Variants in CTNNA3 observed in about 807,000 individuals in gnomAD.
CTNNA3 encodes the protein catenin alpha 3.
In CTNNA3, 76 loss-of-function variants were observed where a neutral mutation model predicts 95.7. That is an observed-to-expected ratio of 0.79 (90% CI 0.66 to 0.96). The LOEUF (loss-of-function observed/expected upper bound fraction) is 0.96. Among genes scored for constraint, CTNNA3 ranks in the 40% least tolerant of loss-of-function variants. CTNNA3 has a pLI of 0.00. For synonymous variants in CTNNA3, 431 were observed against 374.4 expected (o/e 1.15, Z -1.74); for missense variants, 1,191 against 1,089.8 (o/e 1.09, Z -1.31).
At chr10:66,350,799 C>T (rs1470633672) in intron 12 of CTNNA3, among the ~76,000 whole-genome samples, 2 of 151,972 alleles carry the variant, frequency 1.3e-5, no homozygotes, top group Non-Finnish European at 2.9e-5. Context: ...GAATTTTACA[C>T]TATTTACACA....
chr10:66,254,980 ACTATTGCCCCCTT>A (rs2090705194), intron 13 of CTNNA3, among the ~76,000 whole-genome samples: 1 of 152,150 alleles, frequency 6.6e-6, no homozygotes, highest in Non-Finnish European at 1.5e-5. Context: ...AAGCAAATTT[ACTATTGCCCCCTT>A]CCAAGGGTGG....
At chr10:66,621,206 A>C (rs1310036318) in intron 10 of CTNNA3, among the ~76,000 whole-genome samples, 1 of 152,184 alleles carries the variant, frequency 6.6e-6, no homozygotes. Context: ...AAAATAAATC[A>C]AATCATTTGG....
chr10:66,457,638 G>C (rs2131839619), intron 11 of CTNNA3, among the ~76,000 whole-genome samples: 1 of 122,766 alleles, frequency 8.1e-6, no homozygotes, highest in East Asian at 2.4e-4. Flanking sequence ...CATTTGACTG[G>C]TTAAAAAAAA....
At chr10:66,089,210 T>C (rs2081115816) in intron 14 of CTNNA3, among the ~76,000 whole-genome samples, 1 of 151,884 alleles carries the variant, frequency 6.6e-6, no homozygotes, top group African/African-American at 2.4e-5. Context: ...TAGGGCCCTT[T>C]GTTGTTGTTG....
intron 5 of CTNNA3, among the ~76,000 whole-genome samples, chr10:67,297,750 C>T (rs192391649): frequency 6.6e-6 from 1 of 152,280 alleles, no homozygotes; most frequent in Admixed American, 6.5e-5. Context: ...TGCTCTTAGG[C>T]ACATCCTATT....
chr10:66,347,643 C>T (rs1012712294), intron 12 of CTNNA3, among the ~76,000 whole-genome samples: 1 of 151,450 alleles, frequency 6.6e-6, no homozygotes, highest in African/African-American at 2.4e-5. Flanking sequence ...AAGAATCTAC[C>T]AAATATCTAA....
rs1253329285 is a variant in CTNNA3 at position 67,106,253 on chromosome 10, G to A, written c.1047+74064C>T. 2.0e-5 allele frequency among the ~76,000 whole-genome samples: 3 copies of A among 152,194 alleles called. No homozygotes were observed. In the East Asian group the frequency reaches 5.8e-4, roughly 29 times the overall value. On this transcript the variant is annotated intron_variant, in intron 7 of 17. Transcript: ENST00000433211. ...TAATATAAAACTGAAATGTAGTTTG[G>A]GGCCACTTCTTTTTAACTTAATAAT...
At chr10:67,238,097 G>A (rs1250186839) in intron 5 of CTNNA3, among the ~76,000 whole-genome samples, 2 of 152,124 alleles carry the variant, frequency 1.3e-5, no homozygotes, top group Non-Finnish European at 2.9e-5. Flanking sequence ...ACAGAGAGAA[G>A]AATGTACTTG....
At chr10:67,607,685 G>A (rs1024663467) in intron 2 of CTNNA3, among the ~76,000 whole-genome samples, 24 of 152,224 alleles carry the variant, frequency 1.6e-4, no homozygotes, top group South Asian at 4.2e-4. Flanking sequence ...AGTGCTGTTG[G>A]TACACCTACA....
rs149732508 is a variant in CTNNA3, at chr10:67,281,135, G to GAA, written c.580-61267_580-61266dup. Reference sequence around the variant, plus strand: ...TTTAGGTCATGATCTTTACACTTTTGAAAAAAAAAATGAGAGGACAGTCAA... The same window carrying GAA: ...TTTAGGTCATGATCTTTACACTTTTGAAAAAAAAAAAATGAGAGGACAGTCAA... On this transcript the variant is annotated intron_variant, in intron 5 of 17. Coordinates refer to ENST00000433211, the MANE Select transcript of CTNNA3 (RefSeq NM_013266.4). Among the ~76,000 whole-genome samples the GAA allele has an allele frequency of 0.018, 2,647 of 143,382 alleles. 200 individuals are homozygous for GAA. In the East Asian group the frequency reaches 0.24, roughly 13 times the overall value. The allele number at this position is 143,382 out of a possible 152,430, so 94.1% of individuals were successfully genotyped here.
At chr10:66,059,855 T>C (rs2080159994) in intron 15 of CTNNA3, among the ~76,000 whole-genome samples, 1 of 152,132 alleles carries the variant, frequency 6.6e-6, no homozygotes, top group African/African-American at 2.4e-5. Context: ...CTTTGGCATA[T>C]CTTTGAATAA....
intron 13 of CTNNA3, among the ~76,000 whole-genome samples, chr10:66,140,148 T>C (rs542178264): frequency 1.1e-4 from 16 of 152,334 alleles, no homozygotes; most frequent in Non-Finnish European, 2.1e-4. Flanking sequence ...CCACATAACA[T>C]GAAGAGAGCT....
At chr10:66,948,343 G>A (rs2132709838) in intron 7 of CTNNA3, among the ~76,000 whole-genome samples, 1 of 152,258 alleles carries the variant, frequency 6.6e-6, no homozygotes, top group Admixed American at 6.5e-5. Context: ...TTTCCAACAA[G>A]CAAAATGGAC....
At chr10:67,179,641 C>T (rs1862415752) in intron 7 of CTNNA3, among the ~76,000 whole-genome samples, 1 of 152,048 alleles carries the variant, frequency 6.6e-6, no homozygotes, top group South Asian at 2.1e-4. Flanking sequence ...CCAGTCTGGG[C>T]ATTATGGCAA....
At chr10:66,597,431 C>T (rs1469279623) in intron 10 of CTNNA3, among the ~76,000 whole-genome samples, 2 of 147,004 alleles carry the variant, frequency 1.4e-5, no homozygotes. Context: ...AATCTCAGCA[C>T]TTTGGTAGGC....
At chr10:66,971,401 T>C (rs1849717590) in intron 7 of CTNNA3, among the ~76,000 whole-genome samples, 1 of 146,910 alleles carries the variant, frequency 6.8e-6, no homozygotes, top group Admixed American at 7.0e-5. Flanking sequence ...ACTCTAAGCC[T>C]GGGCAACAGA....
intron 5 of CTNNA3, among the ~76,000 whole-genome samples, chr10:67,483,135 G>A (rs1848302803): frequency 6.6e-6 from 1 of 151,766 alleles, no homozygotes; most frequent in South Asian, 2.1e-4. Context: ...TGGAGAGGAT[G>A]TGGAGAAATA....
chr10:67,151,150 T>G (rs983754544), intron 7 of CTNNA3, among the ~76,000 whole-genome samples: 1 of 152,200 alleles, frequency 6.6e-6, no homozygotes, highest in Non-Finnish European at 1.5e-5. Flanking sequence ...AGTGCTTGTT[T>G]TTCTTATAAG....
chr10:67,232,619 C>G (rs1187982210), intron 5 of CTNNA3, among the ~76,000 whole-genome samples: 2 of 150,914 alleles, frequency 1.3e-5, no homozygotes, highest in East Asian at 3.9e-4. Context: ...GCAAAATAAC[C>G]AGCTAACATC....
Sources: gnomAD v4.1 joint callset for allele counts (sites outside exome capture counted in the v4.1 genomes callset) on GRCh38, gnomAD v4.1.1 for gene constraint, MANE v1.5 for transcripts, NCBI Gene and HGNC (gene_info 2026-07-23, HGNC 2026-07-21) for gene names.